Variants in DISP1 observed in about 807,000 individuals in gnomAD.
DISP1 encodes the protein dispatched RND transporter family member 1.
Under a neutral mutation model 37.3 loss-of-function variants are expected in DISP1, and 30 were observed. The ratio of observed to expected loss-of-function variants is 0.80; its 90% CI spans 0.60 to 1.09. DISP1 has a LOEUF of 1.09. DISP1 is among the 50% of genes least tolerant of loss of function. The probability of loss-of-function intolerance (pLI) is 0.00; values close to 1 mark genes in which losing one functional copy is unlikely to be tolerated. For synonymous variants in DISP1, 634 were observed against 690.2 expected (o/e 0.92, Z 1.28); for missense variants, 1,598 against 1,879.5 (o/e 0.85, Z 2.77).
intron 1 of DISP1, among the ~76,000 whole-genome samples, chr1:222,872,647 T>C (rs898937069): frequency 2.0e-5 from 3 of 152,224 alleles, no homozygotes; most frequent in African/African-American, 7.2e-5. Flanking sequence ...TTATTGTGTC[T>C]ATTTGATTCT....
chr1:222,818,285 A>G (rs1661748502), intron 1 of DISP1, among the ~76,000 whole-genome samples: 1 of 152,086 alleles, frequency 6.6e-6, no homozygotes, highest in Non-Finnish European at 1.5e-5. Context: ...CAGCAGAAAG[A>G]CTTTTAGTTG....
chr1:222,912,271 G>T (rs183502534), intron 1 of DISP1, among the ~76,000 whole-genome samples: 49 of 152,248 alleles, frequency 3.2e-4, no homozygotes, highest in Admixed American at 2.2e-3. Context: ...TTAATCTGTA[G>T]GTTTGCATAG....
At chr1:222,868,732 T>C (rs937623147) in intron 1 of DISP1, among the ~76,000 whole-genome samples, 5 of 152,150 alleles carry the variant, frequency 3.3e-5, no homozygotes, top group Admixed American at 6.6e-5. Flanking sequence ...ATTTCTAATA[T>C]ACTGAAATTC....
At chr1:222,986,450 A>G (rs1678282566) in intron 4 of DISP1, among the ~76,000 whole-genome samples, 1 of 152,204 alleles carries the variant, frequency 6.6e-6, no homozygotes, top group African/African-American at 2.4e-5. Context: ...ATTTGTTTTA[A>G]CAGTTATTTC....
Position 222,990,659 on chromosome 1 carries a change from G to T in DISP1, c.574G>T (p.Val192Phe), listed in dbSNP as rs2102740724. The T allele has an allele frequency of 6.2e-7, 1 of 1,614,130 alleles. No individual in the cohort carries two copies. Among genetic ancestry groups the T allele is most frequent in the East Asian group, 2.2e-5 (1 of 44,876 alleles). ...AALIADWPVV[V>F]LGMCTMFIVV... Reference sequence around the variant, plus strand: ...CCTGATAGCCGACTGGCCGGTGGTGGTCTTGGGCATGTGCACCATGTTCAT... The same window carrying T: ...CCTGATAGCCGACTGGCCGGTGGTGTTCTTGGGCATGTGCACCATGTTCAT... The change falls in exon 5 of 9, where the codon GTC becomes TTC. Residue 192 changes from valine to phenylalanine, a missense_variant. Coordinates refer to ENST00000675850, the MANE Select transcript of DISP1 (RefSeq NM_001377229.1).
Position 223,004,253 on chromosome 1 carries a change from C to T in DISP1, c.2856C>T (p.Ser952=), listed in dbSNP as rs1679708845. The T allele has an allele frequency of 6.2e-7, 1 of 1,613,948 alleles. No homozygotes were observed. The highest frequency in any genetic ancestry group is 8.5e-7 in the Non-Finnish European group (1 of 1,180,012). ...ATAAAGAGGTGGACTCGTGGATATC[C>T]AGTGAGCTGAGTTCGGCCCCTGAAG... The part of the protein sequence containing the change: ...QFYKEVDSWI[S]SELSSAPEGL... Residue 952 remains serine (S), a synonymous_variant, in exon 9 of 9, where the codon TCC becomes TCT. Transcript: ENST00000675850. This position sits in a 1 kb window ranked among gnomAD's most constrained non-coding sequence, Gnocchi z 4.9.
intron 1 of DISP1, among the ~76,000 whole-genome samples, chr1:222,884,095 C>T (rs1188774185): frequency 1.3e-5 from 2 of 152,164 alleles, no homozygotes; most frequent in Non-Finnish European, 2.9e-5. Context: ...ATAAACTTCC[C>T]AAACTCCTGC....
At position 222,949,389 on chromosome 1, in the gene DISP1, CA is replaced by C. The variant is rs557578352; in HGVS notation, c.509+6068del. 7.2e-3 allele frequency among the ~76,000 whole-genome samples: 991 copies of C among 138,458 alleles called. 10 individuals are homozygous for C. Among genetic ancestry groups the C allele is most frequent in the Non-Finnish European group, 0.011 (731 of 63,718 alleles). 90.8% of individuals were successfully genotyped at this position (138,458 alleles called of 152,430 possible). A position where few individuals can be genotyped will look rare whatever the true frequency, so the allele number is the denominator to read the frequency against. On this transcript the variant is annotated intron_variant, in intron 3 of 8. Coordinates refer to ENST00000675850, the MANE Select transcript of DISP1 (RefSeq NM_001377229.1). The stretch of plus-strand genomic sequence containing the variant: ...AGCCTGAGCGACAGAGGGAGACTCT[CA>C]AAAAAAAAAATACATAAAATTAAAA...
chr1:222,854,085 A>G (rs1203090620), intron 1 of DISP1, among the ~76,000 whole-genome samples: 1 of 152,170 alleles, frequency 6.6e-6, no homozygotes, highest in African/African-American at 2.4e-5. Context: ...TGGAAAGAAA[A>G]CACCATGGCA....
chr1:222,824,877 T>C (rs1558278338), intron 1 of DISP1, among the ~76,000 whole-genome samples: 1 of 152,142 alleles, frequency 6.6e-6, no homozygotes, highest in Non-Finnish European at 1.5e-5. Context: ...TTTCTTTGCT[T>C]TACAACCACA....
At chr1:222,959,251 T>C (rs1028816026) in intron 3 of DISP1, among the ~76,000 whole-genome samples, 1 of 152,192 alleles carries the variant, frequency 6.6e-6, no homozygotes, top group Admixed American at 6.5e-5. Context: ...TTAAAATCTA[T>C]AACAATAGTA....
intron 8 of DISP1, 92 bp from the exon 9 acceptor site, chr1:223,002,293 C>A (rs1679511727): frequency 8.5e-7 from 1 of 1,180,140 alleles, no homozygotes; most frequent in Non-Finnish European, 1.3e-6. Flanking sequence ...TTTCCCTGTC[C>A]CTCAAGATCA....
At chr1:222,986,985 T>C (rs374039316) in intron 4 of DISP1, among the ~76,000 whole-genome samples, 4 of 152,172 alleles carry the variant, frequency 2.6e-5, no homozygotes, top group African/African-American at 7.2e-5. Flanking sequence ...AATGGTTCCT[T>C]TGAAAATTCT....
chr1:222,874,147 G>A (rs556895763), intron 1 of DISP1, among the ~76,000 whole-genome samples: 42 of 152,320 alleles, frequency 2.8e-4, no homozygotes, highest in African/African-American at 9.9e-4. Flanking sequence ...GAGATCAGCT[G>A]TTAGTCTGAT....
At position 222,974,232 on chromosome 1, in the gene DISP1, T is replaced by C. The variant is rs1251299577; in HGVS notation, c.510-8848T>C. On this transcript the variant is annotated intron_variant, in intron 3 of 8. Coordinates refer to ENST00000675850, the MANE Select transcript of DISP1 (RefSeq NM_001377229.1). ...CTCTTGGATAATTCTCAACAGTTTATAGAAAACTGTTACACACACCAGCTC... is the reference window on the plus strand; with the variant it reads ...CTCTTGGATAATTCTCAACAGTTTACAGAAAACTGTTACACACACCAGCTC... 3.3e-5 allele frequency among the ~76,000 whole-genome samples: 5 copies of C among 152,264 alleles called. No homozygotes were observed. In the East Asian group the frequency reaches 5.8e-4, roughly 18 times the overall value.
intron 1 of DISP1, among the ~76,000 whole-genome samples, chr1:222,883,539 C>A (rs1670400249): frequency 6.6e-6 from 1 of 152,206 alleles, no homozygotes; most frequent in Non-Finnish European, 1.5e-5. Flanking sequence ...ATTCCTTGAA[C>A]CCGTGAGGCA....
rs760110946 is a variant in DISP1, at chr1:223,004,193, C to T, written c.2796C>T (p.Leu932=). The T allele has an allele frequency of 3.1e-6, 5 of 1,614,078 alleles. No homozygotes were observed. In the Admixed American group the frequency reaches 8.3e-5, roughly 27 times the overall value. Residue 932 remains leucine, a synonymous_variant, in exon 9 of 9, where the codon CTC becomes CTT. Coordinates refer to ENST00000675850, the MANE Select transcript of DISP1 (RefSeq NM_001377229.1). The surrounding 1 kb of genome is among the most constrained non-coding windows in gnomAD (Gnocchi z 4.9). ...AVVLEFQSTY[L]FTLAYEKMHQ... ...TGTTAGAGTTCCAGAGTACCTACCT[C>T]TTCACACTGGCTTATGAAAAGATGC...
At chr1:222,929,004 G>C (rs1673236068) in intron 2 of DISP1, among the ~76,000 whole-genome samples, 1 of 152,146 alleles carries the variant, frequency 6.6e-6, no homozygotes, top group Non-Finnish European at 1.5e-5. Flanking sequence ...AGTCACTTTT[G>C]TGAATTAAAT....
At chr1:222,942,250 G>T (rs1404180806) in intron 2 of DISP1, among the ~76,000 whole-genome samples, 1 of 152,048 alleles carries the variant, frequency 6.6e-6, no homozygotes, top group East Asian at 1.9e-4. Flanking sequence ...TTCCTGACTG[G>T]TTTTAATTTA....
Sources: gnomAD v4.1 joint callset for allele counts (sites outside exome capture counted in the v4.1 genomes callset) on GRCh38, gnomAD v4.1.1 for gene constraint, Gnocchi (gnomAD v3.1) non-coding constraint, MANE v1.5 for transcripts, NCBI Gene and HGNC (gene_info 2026-07-23, HGNC 2026-07-21) for gene names.